Variants in LYSMD2 observed in about 807,000 individuals in gnomAD.
The protein encoded by LYSMD2 is LysM domain containing 2, also known as lysM and putative peptidoglycan-binding domain-containing protein 2.
In LYSMD2, 6 loss-of-function variants were observed where a neutral mutation model predicts 17.7. That is an observed-to-expected ratio of 0.34 (90% confidence interval 0.19 to 0.67). The LOEUF (loss-of-function observed/expected upper bound fraction) is 0.67, where lower values mean the gene tolerates loss of function less well. LYSMD2 is among the 30% of genes least tolerant of loss of function. LYSMD2 has a pLI of 0.69. For synonymous variants in LYSMD2, 102 were observed against 129.8 expected (o/e 0.79, Z 1.45); for missense variants, 237 against 286.7 (o/e 0.83, Z 1.25).
chr15:51,737,584 G>C lies in LYSMD2; in HGVS notation c.39C>G (p.Gly13=). The change falls in exon 1 of 3, where the codon GGC becomes GGG. Residue 13 remains glycine (G), a synonymous_variant. Transcript: ENST00000267838. The surrounding 1 kb of genome is among the most constrained non-coding windows in gnomAD (Gnocchi z 4.2). Reference sequence around the variant, plus strand: ...CCGAGGGCCGCGGCGCGCGGGGGCCGCCTTCCCGCAGGGACAGTGCGGGCG... The same window carrying C: ...CCGAGGGCCGCGGCGCGCGGGGGCCCCCTTCCCGCAGGGACAGTGCGGGCG... ...DSSPALSLRE[G]GPRAPRPSAP... The C allele has an allele frequency of 1.6e-6, 2 of 1,217,842 alleles. No homozygotes were observed. Among genetic ancestry groups the C allele is most frequent in the Non-Finnish European group, 2.0e-6 (2 of 980,798 alleles). The allele number at this position is 1,217,842 out of a possible 1,614,324, so 75.4% of individuals were successfully genotyped here.
At chr15:51,736,555 C>G (rs2055610295) in intron 1 of LYSMD2, among the ~76,000 whole-genome samples, 1 of 152,174 alleles carries the variant, frequency 6.6e-6, no homozygotes, top group African/African-American at 2.4e-5. Flanking sequence ...CCATTGCTGT[C>G]TAAGGTGCTT....
At chr15:51,738,553 T>A (rs2055627404), upstream of LYSMD2, among the ~76,000 whole-genome samples, 1 of 152,200 alleles carries the variant, frequency 6.6e-6, no homozygotes, top group African/African-American at 2.4e-5. Context: ...GAACACCGTC[T>A]ACTCTTGAAC....
intron 1 of LYSMD2, among the ~76,000 whole-genome samples, chr15:51,732,584 A>G (rs564398629): frequency 6.6e-6 from 1 of 152,346 alleles, no homozygotes; most frequent in South Asian, 2.1e-4. Flanking sequence ...GGTAGGAAAG[A>G]GTCATAATGA....
At chr15:51,746,239 T>C (rs1168127582) in intron 1 of LYSMD2, among the ~76,000 whole-genome samples, 2 of 152,202 alleles carry the variant, frequency 1.3e-5, no homozygotes, top group Admixed American at 1.3e-4. Context: ...CAAAATGTGG[T>C]CTATCCATGC....
chr15:51,748,922 T>G (rs1396355291), intron 1 of LYSMD2, among the ~76,000 whole-genome samples: 1 of 152,252 alleles, frequency 6.6e-6, no homozygotes, highest in Non-Finnish European at 1.5e-5. Context: ...GTGCTACATA[T>G]TCCACTGTGA....
At chr15:51,746,538 T>C (rs991830827) in intron 1 of LYSMD2, among the ~76,000 whole-genome samples, 2 of 152,220 alleles carry the variant, frequency 1.3e-5, no homozygotes. Flanking sequence ...GATTGGGAGA[T>C]AGTTACACAA....
At chr15:51,742,806 G>C (rs538609175) in intron 1 of LYSMD2, among the ~76,000 whole-genome samples, 7 of 152,194 alleles carry the variant, frequency 4.6e-5, no homozygotes, top group Admixed American at 1.3e-4. Flanking sequence ...AAAAAAAATA[G>C]AAAGACGTAG....
At chr15:51,727,494 C>A (rs1026646155) in intron 1 of LYSMD2, among the ~76,000 whole-genome samples, 2 of 152,208 alleles carry the variant, frequency 1.3e-5, no homozygotes, top group South Asian at 2.1e-4. Flanking sequence ...CTCAACTATG[C>A]CCACATTCAG....
intron 1 of LYSMD2, among the ~76,000 whole-genome samples, chr15:51,735,496 G>A (rs1375149871): frequency 1.3e-5 from 2 of 152,122 alleles, no homozygotes; most frequent in South Asian, 2.1e-4. Flanking sequence ...AGAGTTATCT[G>A]GTCTATAACA....
chr15:51,745,148 AC>A (rs1481060228), intron 1 of LYSMD2, among the ~76,000 whole-genome samples: 2 of 152,146 alleles, frequency 1.3e-5, no homozygotes, highest in Non-Finnish European at 2.9e-5. Flanking sequence ...AAAAGCCAAG[AC>A]CTAGATAGCT....
Position 51,726,052 on chromosome 15 carries a change from A to T in LYSMD2, c.274-931T>A, listed in dbSNP as rs1292342260. On this transcript the variant is annotated intron_variant, in intron 1 of 2. Coordinates refer to ENST00000267838, the MANE Select transcript of LYSMD2 (RefSeq NM_153374.3). The stretch of plus-strand genomic sequence containing the variant: ...ACTTCAAAAAGCCTGCAAAAACAAC[A>T]GTCAACTAAGTGGACCCTGTTCATC... Among the ~76,000 whole-genome samples, 3 of 152,210 alleles carry T rather than the reference A, an allele frequency of 2.0e-5. No individual in the cohort carries two copies. In the East Asian group the frequency reaches 5.8e-4, roughly 29 times the overall value.
intron 1 of LYSMD2, among the ~76,000 whole-genome samples, chr15:51,731,674 T>G (rs2055577928): frequency 6.6e-6 from 1 of 152,064 alleles, no homozygotes; most frequent in Non-Finnish European, 1.5e-5. Flanking sequence ...AAGAAAAAGT[T>G]TATGCAAATC....
intron 1 of LYSMD2, among the ~76,000 whole-genome samples, chr15:51,730,082 G>A (rs60398357): frequency 0.059 from 8,979 of 152,232 alleles, 304 homozygotes; most frequent in East Asian, 0.095. Flanking sequence ...AATGAAATAT[G>A]AATTTACTGT....
Position 51,737,554 on chromosome 15 carries a change from G to A in LYSMD2, c.69C>T (p.Pro23=), listed in dbSNP as rs2055619320. 98 of 1,227,352 alleles carry A rather than the reference G, an allele frequency of 8.0e-5. No individual in the cohort carries two copies. Among genetic ancestry groups the A allele is most frequent in the Non-Finnish European group, 9.6e-5 (95 of 987,418 alleles). 76.0% of individuals were successfully genotyped at this position (1,227,352 alleles called of 1,614,324 possible). Residue 23 remains proline, a synonymous_variant, in exon 1 of 3, where the codon CCC becomes CCT. Transcript: ENST00000267838. The surrounding 1 kb of genome is among the most constrained non-coding windows in gnomAD (Gnocchi z 4.2). ...GGPRAPRPSA[P]SPPPRSRSGS... Reference sequence around the variant, plus strand: ...CGGAGCGCGAGCGCGGCGGCGGCGAGGGGGCCGAGGGCCGCGGCGCGCGGG... The same window carrying A: ...CGGAGCGCGAGCGCGGCGGCGGCGAAGGGGCCGAGGGCCGCGGCGCGCGGG...
upstream of LYSMD2, chr15:51,737,674 C>T: frequency 8.5e-7 from 1 of 1,182,046 alleles, no homozygotes. The surrounding 1 kb of genome is among the most constrained non-coding windows in gnomAD (Gnocchi z 4.2). Context: ...GGCGGCGCCT[C>T]CTCCTCCTCC....
At chr15:51,748,317 T>TGG (rs1339929980) in intron 1 of LYSMD2, among the ~76,000 whole-genome samples, 119 of 111,448 alleles carry the variant, frequency 1.1e-3, no homozygotes, top group African/African-American at 4.1e-3. Flanking sequence ...TAAGGGAGGT[T>TGG]ACAGAAACTT....
At chr15:51,734,623 T>C (rs1171620514) in intron 1 of LYSMD2, among the ~76,000 whole-genome samples, 2 of 152,206 alleles carry the variant, frequency 1.3e-5, no homozygotes, top group African/African-American at 2.4e-5. Context: ...CTGTGCAAGA[T>C]TGACAGACAT....
chr15:51,742,571 T>C (rs1455759356), upstream of LYSMD2, among the ~76,000 whole-genome samples: 3 of 152,248 alleles, frequency 2.0e-5, no homozygotes, highest in Non-Finnish European at 2.9e-5. Flanking sequence ...CTTTAGCAGA[T>C]ACATAGTTTT....
chr15:51,723,503 G>C lies in LYSMD2; in HGVS notation c.*104C>G, dbSNP rs2055516029. The C allele has an allele frequency of 1.1e-6, 1 of 908,852 alleles. No homozygotes were observed. Among genetic ancestry groups the C allele is most frequent in the South Asian group, 1.3e-5 (1 of 74,782 alleles). The allele number at this position is 908,852 out of a possible 1,614,324, so 56.3% of individuals were successfully genotyped here. A position where few individuals can be genotyped will look rare whatever the true frequency, so the allele number is the denominator to read the frequency against. On this transcript the variant is annotated 3_prime_UTR_variant, in exon 3 of 3. Coordinates refer to ENST00000267838, the MANE Select transcript of LYSMD2 (RefSeq NM_153374.3). ...ACTACCTAGTTATGATTTTAAGATG[G>C]ACACTATAGGAATCCAGAAGGGATG...
Sources: gnomAD v4.1 joint callset for allele counts (sites outside exome capture counted in the v4.1 genomes callset) on GRCh38, gnomAD v4.1.1 for gene constraint, Gnocchi (gnomAD v3.1) non-coding constraint, MANE v1.5 for transcripts, NCBI Gene and HGNC (gene_info 2026-07-23, HGNC 2026-07-21) for gene names.